SRGAP2: variants seen among roughly 807,000 people sequenced by gnomAD.
The protein encoded by SRGAP2 is SLIT-ROBO Rho GTPase activating protein 2.
In SRGAP2, 15 loss-of-function variants were observed where a neutral mutation model predicts 57.2. The observed-to-expected ratio is 0.26, with a 90% CI of 0.18 to 0.40. The LOEUF (loss-of-function observed/expected upper bound fraction) is 0.40, where lower values mean the gene tolerates loss of function less well. Among genes scored for constraint, SRGAP2 ranks in the 10% least tolerant of loss-of-function variants. The pLI is 1.00. For missense variants in SRGAP2, 520 were observed against 669.6 expected, an observed-to-expected ratio of 0.78 and a Z score of 2.47; for synonymous variants, 249 against 248.0, an observed-to-expected ratio of 1.00 and a Z score of -0.04.
intron 3 of SRGAP2, among the ~76,000 whole-genome samples, chr1:206,329,730 A>G (rs1407951426): frequency 1.4e-5 from 2 of 145,296 alleles, no homozygotes; most frequent in Admixed American, 1.4e-4. Flanking sequence ...TTTTCTAGAT[A>G]AACAATCATG....
In SRGAP2 at chr1:206,359,798, C is replaced by CTTTTTTTTTTTTTT. The variant is rs1166916482; in HGVS notation, c.423+16803_423+16816dup. 3.7e-4 allele frequency among the ~76,000 whole-genome samples: 26 copies of CTTTTTTTTTTTTTT among 70,226 alleles called. 2 individuals are homozygous for CTTTTTTTTTTTTTT. The highest frequency in any genetic ancestry group is 1.2e-3 in the African/African-American group (20 of 16,908). The allele number at this position is 70,226 out of a possible 152,430, so 46.1% of individuals were successfully genotyped here. On this transcript the variant is annotated intron_variant, in intron 4 of 22. Coordinates refer to ENST00000573034, the MANE Select transcript of SRGAP2 (RefSeq NM_015326.5). The stretch of plus-strand genomic sequence containing the variant: ...AGGATGGGGTACAAGGGATATTGCT[C>CTTTTTTTTTTTTTT]TTTTTTTTTTTTTTTTTTTTTTTTT...
At chr1:206,366,566 CTGT>C (rs1215164236) in intron 4 of SRGAP2, among the ~76,000 whole-genome samples, 8 of 151,918 alleles carry the variant, frequency 5.3e-5, no homozygotes, top group Non-Finnish European at 8.8e-5. Context: ...GCAGGAAGGC[CTGT>C]TGTTGTTTTC....
chr1:206,295,223 T>A (rs1345533378), intron 2 of SRGAP2, among the ~76,000 whole-genome samples: 4 of 151,220 alleles, frequency 2.6e-5, no homozygotes, highest in East Asian at 1.9e-4. Context: ...TTTATTCTTT[T>A]TTTTTATTTT....
At chr1:206,394,123 T>C (rs1404028699) in intron 7 of SRGAP2, among the ~76,000 whole-genome samples, 17 of 128,166 alleles carry the variant, frequency 1.3e-4, no homozygotes, top group Middle Eastern at 3.9e-3. Flanking sequence ...CTTGGCTCAC[T>C]GCAACCTCCA....
At chr1:206,428,427 A>C (rs1461248932) in intron 13 of SRGAP2, among the ~76,000 whole-genome samples, 1 of 151,644 alleles carries the variant, frequency 6.6e-6, no homozygotes, top group Non-Finnish European at 1.5e-5. Flanking sequence ...TCTCAAAAAA[A>C]AAAAAAAAAA....
chr1:206,228,446 G>A (rs1553306036), intron 2 of SRGAP2, among the ~76,000 whole-genome samples: 2 of 151,606 alleles, frequency 1.3e-5, no homozygotes, highest in East Asian at 1.9e-4. Flanking sequence ...CAAATTAATT[G>A]AAGGCTGCCT....
chr1:206,347,389 C>T (rs1419884601), intron 4 of SRGAP2, among the ~76,000 whole-genome samples: 3 of 151,184 alleles, frequency 2.0e-5, no homozygotes, highest in African/African-American at 7.3e-5. Context: ...ACCAGCTTGG[C>T]CAACATGGTG....
chr1:206,357,100 T>C (rs1676495549), intron 4 of SRGAP2, among the ~76,000 whole-genome samples: 2 of 144,398 alleles, frequency 1.4e-5, no homozygotes, highest in Non-Finnish European at 3.0e-5. Flanking sequence ...TAAGTAGTTA[T>C]TAGTAAGGCC....
At chr1:206,314,107 T>TTGA (rs1672882251) in intron 3 of SRGAP2, among the ~76,000 whole-genome samples, 1 of 130,220 alleles carries the variant, frequency 7.7e-6, no homozygotes, top group East Asian at 2.2e-4. Flanking sequence ...TTTTTTTTGT[T>TTGA]TTTTTTTTTT....
chr1:206,437,069 C>G lies in SRGAP2; in HGVS notation c.1633+27C>G, dbSNP rs144188599. On this transcript the variant is annotated intron_variant, in intron 15 of 22. Coordinates refer to ENST00000573034, the MANE Select transcript of SRGAP2 (RefSeq NM_015326.5). ...TAAGGAAACAGTCTTGAAGATAAAA[C>G]CAAATATTTGCCAGCCCCCTGGGGT... 22 of 780,278 alleles carry G rather than the reference C, an allele frequency of 2.8e-5. No individual in the cohort carries two copies. The Admixed American group carries it at 3.7e-4, about 13-fold the overall frequency. 48.3% of individuals were successfully genotyped at this position (780,278 alleles called of 1,614,324 possible). A position where few individuals can be genotyped will look rare whatever the true frequency, so the allele number is the denominator to read the frequency against.
At chr1:206,423,157 A>G (rs1357193190) in intron 13 of SRGAP2, among the ~76,000 whole-genome samples, 3 of 152,174 alleles carry the variant, frequency 2.0e-5, no homozygotes, top group Admixed American at 6.5e-5. Flanking sequence ...TTTAAAAAGG[A>G]GACAGTCTCA....
At chr1:206,234,567 T>C (rs1667817757) in intron 2 of SRGAP2, among the ~76,000 whole-genome samples, 1 of 152,226 alleles carries the variant, frequency 6.6e-6, no homozygotes, top group Admixed American at 6.5e-5. Context: ...ACAGTGGGCT[T>C]CCTGTGTTTT....
Position 206,461,467 on chromosome 1 carries a change from C to G in SRGAP2, c.*47C>G. 3.0e-6 allele frequency: 2 copies of G among 674,154 alleles called. No homozygotes were observed. Among genetic ancestry groups the G allele is most frequent in the South Asian group, 3.5e-5 (2 of 57,584 alleles). The allele number at this position is 674,154 out of a possible 1,614,324, so 41.8% of individuals were successfully genotyped here. On this transcript the variant is annotated 3_prime_UTR_variant, in exon 23 of 23. Coordinates refer to ENST00000573034, the MANE Select transcript of SRGAP2 (RefSeq NM_015326.5). ...TAGACAAGGGGACTATAGGGACTGA[C>G]TGTTATTAAAATCTTCCTATTTAAC...
chr1:206,372,943 CTTTCTTTCTTTCTTTTCTTTCCTTT>C (rs1654710770), intron 4 of SRGAP2, among the ~76,000 whole-genome samples: 11 of 8,692 alleles, frequency 1.3e-3, no homozygotes, highest in African/African-American at 9.8e-3. Flanking sequence ...TTCTTTCTTT[CTTTCTTTCTTTCTTTTCTTTCCTTT>C]CTTTCTTTCT....
intron 2 of SRGAP2, among the ~76,000 whole-genome samples, chr1:206,259,827 C>T: frequency 7.6e-6 from 1 of 131,710 alleles, no homozygotes. Flanking sequence ...TTTTAACCCA[C>T]AAAGCTAGAT....
At chr1:206,212,127 A>G (rs1279739548) in intron 2 of SRGAP2, among the ~76,000 whole-genome samples, 1 of 151,812 alleles carries the variant, frequency 6.6e-6, no homozygotes, top group Admixed American at 6.6e-5. Context: ...CCTTTTGCCT[A>G]TTTTGAATAA....
intron 10 of SRGAP2, among the ~76,000 whole-genome samples, chr1:206,411,408 C>G (rs940117707): frequency 6.6e-6 from 1 of 152,188 alleles, no homozygotes; most frequent in South Asian, 2.1e-4. Flanking sequence ...CCTTGGTAAA[C>G]GTGTGCTAGT....
At chr1:206,420,737 A>G (rs781903405) in intron 12 of SRGAP2, among the ~76,000 whole-genome samples, 2 of 152,174 alleles carry the variant, frequency 1.3e-5, no homozygotes. Context: ...ATTGGAAAAC[A>G]TTGACCTAGA....
intron 19 of SRGAP2, among the ~76,000 whole-genome samples, chr1:206,451,956 C>T (rs1338107064): frequency 7.9e-5 from 12 of 152,178 alleles, no homozygotes; most frequent in African/African-American, 2.9e-4. Context: ...TATTTTTAAG[C>T]AGCCTTTCTC....
Sources: allele counts gnomAD v4.1 joint callset (sites outside exome capture counted in the v4.1 genomes callset), GRCh38; gene constraint gnomAD v4.1.1; transcripts MANE v1.5; gene names NCBI Gene and HGNC (gene_info 2026-07-23, HGNC 2026-07-21).